The following ATP2C1 variants were observed in gnomAD, a reference collection of about 807,000 sequenced individuals.
ATP2C1 encodes the protein calcium-transporting ATPase type 2C member 1.
Under a neutral mutation model 120.5 loss-of-function variants are expected in ATP2C1, and 31 were observed. That is an observed-to-expected ratio of 0.26 (90% confidence interval 0.19 to 0.35). The LOEUF is 0.35. Among genes scored for constraint, ATP2C1 ranks in the 10% least tolerant of loss-of-function variants. ATP2C1 has a pLI of 1.00. For missense variants in ATP2C1, 731 were observed against 1,107.5 expected (o/e 0.66, Z 4.83); for synonymous variants, 351 against 358.7 (o/e 0.98, Z 0.24).
At chr3:130,931,814 G>T (rs2059460921) in intron 3 of ATP2C1, among the ~76,000 whole-genome samples, 1 of 152,008 alleles carries the variant, frequency 6.6e-6, no homozygotes, top group Non-Finnish European at 1.5e-5. Context: ...ACTCCAGAAA[G>T]CTCCCCCATG....
chr3:130,925,472 G>A (rs1408396170), intron 2 of ATP2C1, among the ~76,000 whole-genome samples: 1 of 152,186 alleles, frequency 6.6e-6, no homozygotes, highest in Non-Finnish European at 1.5e-5. Flanking sequence ...TGCTCTGGTG[G>A]AGGTAGCTGG....
At chr3:130,874,490 A>G (rs868772039) in intron 1 of ATP2C1, among the ~76,000 whole-genome samples, 62 of 152,342 alleles carry the variant, frequency 4.1e-4, no homozygotes, top group Non-Finnish European at 6.0e-4. Flanking sequence ...TCACTTTTAT[A>G]GGAACAATCA....
intron 20 of ATP2C1, among the ~76,000 whole-genome samples, chr3:130,989,089 A>G (rs554394988): frequency 1.3e-3 from 203 of 152,114 alleles, no homozygotes; most frequent in Non-Finnish European, 2.3e-3. Context: ...CGTCTCTACT[A>G]AAAATACAAA....
chr3:130,902,169 C>A (rs1329393950), intron 2 of ATP2C1, among the ~76,000 whole-genome samples: 1 of 151,804 alleles, frequency 6.6e-6, no homozygotes, highest in African/African-American at 2.4e-5. Flanking sequence ...AGGGTGTGTA[C>A]AAGTGCCTGG....
At chr3:130,918,903 A>C in intron 2 of ATP2C1, 1 of 320,904 alleles carries the variant, frequency 3.1e-6, no homozygotes, top group Non-Finnish European at 6.1e-6. Flanking sequence ...GAGGCAGGAG[A>C]ATGGCGTGAA....
chr3:130,918,966 T>C, intron 2 of ATP2C1: 5 of 382,600 alleles, frequency 1.3e-5, no homozygotes, highest in Middle Eastern at 8.9e-4. Flanking sequence ...CACTCCAGCC[T>C]GGGCAACAGA....
intron 20 of ATP2C1, 100 bp downstream of exon 20, chr3:130,980,779 G>T (rs1296818549): frequency 3.3e-6 from 3 of 897,886 alleles, no homozygotes; most frequent in African/African-American, 3.3e-5. Context: ...GAACATCAGG[G>T]ATTTAAATAA....
At chr3:130,997,875 A>G (rs2062703673) in intron 25 of ATP2C1, 122 bp downstream of exon 25, 4 of 971,300 alleles carry the variant, frequency 4.1e-6, no homozygotes, top group East Asian at 2.4e-5. Context: ...AGTGAAAAAT[A>G]TAAGAACATT....
chr3:130,878,915 A>G (rs1576576163), intron 1 of ATP2C1, among the ~76,000 whole-genome samples: 2 of 152,176 alleles, frequency 1.3e-5, no homozygotes, highest in East Asian at 1.9e-4. Context: ...CTGGATGTCT[A>G]TATCACTCCT....
intron 20 of ATP2C1, among the ~76,000 whole-genome samples, chr3:130,985,822 G>C (rs2061983174): frequency 6.6e-6 from 1 of 152,152 alleles, no homozygotes; most frequent in African/African-American, 2.4e-5. Context: ...CTTGCAGCAT[G>C]ATGAGTAGTT....
At chr3:131,005,629 T>A (rs1487637996), downstream of ATP2C1, among the ~76,000 whole-genome samples, 1 of 152,224 alleles carries the variant, frequency 6.6e-6, no homozygotes, top group Non-Finnish European at 1.5e-5. Context: ...ATCAAAGCTA[T>A]AGCTGACTAA....
intron 8 of ATP2C1, among the ~76,000 whole-genome samples, chr3:130,947,009 A>G (rs1054800555): frequency 6.6e-6 from 1 of 152,222 alleles, no homozygotes; most frequent in African/African-American, 2.4e-5. Flanking sequence ...ACTGTGATTC[A>G]AAGAATGATA....
At position 131,001,415 on chromosome 3, in the gene ATP2C1, G is replaced by A. The variant is rs2062880033; in HGVS notation, c.*65G>A. 1 of 1,580,792 alleles carries A rather than the reference G, an allele frequency of 6.3e-7. No individual in the cohort carries two copies. Among genetic ancestry groups the A allele is most frequent in the Non-Finnish European group, 8.6e-7 (1 of 1,164,454 alleles). ...GTCTGAGGATCATTTAGAAGGGCAA[G>A]TTCAAGAGGATATGAAGATTTGAGA... On this transcript the variant is annotated 3_prime_UTR_variant, in exon 28 of 28. Transcript: ENST00000510168.
chr3:130,942,980 T>C (rs1435847190), intron 8 of ATP2C1, among the ~76,000 whole-genome samples: 2 of 152,206 alleles, frequency 1.3e-5, no homozygotes, highest in African/African-American at 4.8e-5. Context: ...AACTTCTCAT[T>C]GGGATAGTTA....
chr3:130,973,609 G>T (rs1576946644), intron 17 of ATP2C1, among the ~76,000 whole-genome samples: 2 of 152,150 alleles, frequency 1.3e-5, no homozygotes. Flanking sequence ...GACAGAGTGG[G>T]ATTTCATCAC....
chr3:130,885,722 G>A (rs1618896), intron 1 of ATP2C1, among the ~76,000 whole-genome samples: 143,017 of 152,258 alleles, frequency 0.94, 67,320 homozygotes, highest in African/African-American at 0.97. Context: ...ATCATTTTTG[G>A]TTGGTTCACC....
chr3:130,986,362 T>C (rs2062013747), intron 20 of ATP2C1, among the ~76,000 whole-genome samples: 1 of 152,194 alleles, frequency 6.6e-6, no homozygotes, highest in Non-Finnish European at 1.5e-5. Flanking sequence ...TTCTCAGAGA[T>C]GCTAAAGGTG....
At chr3:130,853,050 A>G (rs539897084) in intron 1 of ATP2C1, among the ~76,000 whole-genome samples, 1 of 152,314 alleles carries the variant, frequency 6.6e-6, no homozygotes, top group Admixed American at 6.5e-5. Context: ...TGTTTACCAC[A>G]TCTGTATGAT....
rs776940664 is a variant in ATP2C1, at chr3:130,971,438, TAGA to T, written c.1413+2048_1413+2050del. Among the ~76,000 whole-genome samples, 3 of 152,234 alleles carry T rather than the reference TAGA, an allele frequency of 2.0e-5. No homozygotes were observed. In the East Asian group the frequency reaches 5.8e-4, roughly 29 times the overall value. ...CAACCCACAGATGTGACTCAGGATC[TAGA>T]AGAAGTCATCCTGACACAGATAGGG... On this transcript the variant is annotated intron_variant, in intron 17 of 27. Coordinates refer to ENST00000510168, the MANE Select transcript of ATP2C1 (RefSeq NM_001378687.1).
Sources: allele counts gnomAD v4.1 joint callset (sites outside exome capture counted in the v4.1 genomes callset), GRCh38; gene constraint gnomAD v4.1.1; transcripts MANE v1.5; gene names NCBI Gene and HGNC (gene_info 2026-07-23, HGNC 2026-07-21).